SRSF12: variants seen among roughly 807,000 people sequenced by gnomAD.
SRSF12 encodes the protein serine and arginine rich splicing factor 12, also known as serine/arginine-rich splicing factor 12.
Under a neutral mutation model 34.1 loss-of-function variants are expected in SRSF12, and 21 were observed. The ratio of observed to expected loss-of-function variants is 0.62; its 90% confidence interval spans 0.44 to 0.89. SRSF12 has a LOEUF of 0.89. Ranked by LOEUF, SRSF12 falls within the 40% of genes least tolerant of loss-of-function variation. The pLI is 0.00. For synonymous variants in SRSF12, 111 were observed against 110.8 expected (o/e 1.00, Z -0.01); for missense variants, 278 against 327.8 (o/e 0.85, Z 1.17).
At chr6:89,108,492 T>C (rs888269354) in intron 1 of SRSF12, among the ~76,000 whole-genome samples, 1 of 152,240 alleles carries the variant, frequency 6.6e-6, no homozygotes, top group African/African-American at 2.4e-5. Context: ...AGTCTCATAC[T>C]GGTCCATCTT....
chr6:89,098,525 TGA>T lies in SRSF12; in HGVS notation c.*51_*52del, dbSNP rs1211743729. 3.3e-6 allele frequency: 5 copies of T among 1,520,666 alleles called. No homozygotes were observed. Among genetic ancestry groups the T allele is most frequent in the African/African-American group, 2.8e-5 (2 of 71,946 alleles). The allele number at this position is 1,520,666 out of a possible 1,614,324, so 94.2% of individuals were successfully genotyped here. On this transcript the variant is annotated 3_prime_UTR_variant, in exon 5 of 5. Transcript: ENST00000452027. ...CTTAAAGAATTTTTATTTAACATAATGAGAGTTTAATAACTTATATTAAAGAC... is the reference window on the plus strand; with the variant it reads ...CTTAAAGAATTTTTATTTAACATAATGAGTTTAATAACTTATATTAAAGAC...
chr6:89,096,756 C>T lies in SRSF12; in HGVS notation c.*1822G>A, dbSNP rs2127988432. ...CAAGCAATCCTCCTGCCTTGGCCTC[C>T]CAAAGTGCTAGGATTACTGGTGTGA... On this transcript the variant is annotated 3_prime_UTR_variant, in exon 5 of 5. Transcript: ENST00000452027. 6.6e-6 allele frequency: 1 copy of T among 152,388 alleles called. No individual in the cohort carries two copies. The highest frequency in any genetic ancestry group is 2.1e-4 in the South Asian group (1 of 4,826). 9.4% of individuals were successfully genotyped at this position (152,388 alleles called of 1,614,324 possible).
At chr6:89,113,555 T>G (rs1769154035) in intron 1 of SRSF12, among the ~76,000 whole-genome samples, 1 of 152,114 alleles carries the variant, frequency 6.6e-6, no homozygotes, top group African/African-American at 2.4e-5. Flanking sequence ...GTGATCCACG[T>G]GCCTCGGCCT....
chr6:89,108,867 T>C (rs1342417119), intron 1 of SRSF12, among the ~76,000 whole-genome samples: 9 of 152,196 alleles, frequency 5.9e-5, no homozygotes, highest in Non-Finnish European at 1.3e-4. Context: ...AAATTACATA[T>C]AAGATTCAAC....
chr6:89,116,528 G>A (rs1367874946), intron 1 of SRSF12, among the ~76,000 whole-genome samples: 1 of 151,976 alleles, frequency 6.6e-6, no homozygotes, highest in Non-Finnish European at 1.5e-5. Flanking sequence ...TAATCTCAGC[G>A]CTTTGGGAGG....
At chr6:89,103,666 C>T (rs1768642633) in intron 4 of SRSF12, among the ~76,000 whole-genome samples, 1 of 152,058 alleles carries the variant, frequency 6.6e-6, no homozygotes, top group South Asian at 2.1e-4. Context: ...CACCATATTG[C>T]TCAGGATGGT....
rs1768278955 is a variant in SRSF12, at chr6:89,096,068, A to G, written c.*2510T>C. 1 of 152,196 alleles carries G rather than the reference A, an allele frequency of 6.6e-6. No homozygotes were observed. The highest frequency in any genetic ancestry group is 1.5e-5 in the Non-Finnish European group (1 of 68,020). The allele number at this position is 152,196 out of a possible 1,614,324, so 9.4% of individuals were successfully genotyped here. A position where few individuals can be genotyped will look rare whatever the true frequency, so the allele number is the denominator to read the frequency against. On this transcript the variant is annotated 3_prime_UTR_variant, in exon 5 of 5. Transcript: ENST00000452027. Reference sequence around the variant, plus strand: ...TGGAATATAGATATTCCCAGAAGACAATTTTCCAGGATACCCAGCCAAACA... The same window carrying G: ...TGGAATATAGATATTCCCAGAAGACGATTTTCCAGGATACCCAGCCAAACA...
chr6:89,102,661 G>A (rs1768590946), intron 4 of SRSF12, among the ~76,000 whole-genome samples: 1 of 152,148 alleles, frequency 6.6e-6, no homozygotes, highest in South Asian at 2.1e-4. Context: ...TTTTAACACT[G>A]TTCAGGAACA....
At chr6:89,099,434 ATATATACACATATATATG>A (rs1562191935) in intron 4 of SRSF12, among the ~76,000 whole-genome samples, 2 of 133,872 alleles carry the variant, frequency 1.5e-5, no homozygotes, top group African/African-American at 2.7e-5. Context: ...ATGTGTGTAT[ATATATACACATATATATG>A]TGTGTATATA....
At position 89,096,402 on chromosome 6, in the gene SRSF12, T is replaced by C. The variant is rs1163702034; in HGVS notation, c.*2176A>G. 2 of 152,182 alleles carry C rather than the reference T, an allele frequency of 1.3e-5. No individual in the cohort carries two copies. The highest frequency in any genetic ancestry group is 1.3e-4 in the Admixed American group (2 of 15,270). The allele number at this position is 152,182 out of a possible 1,614,324, so 9.4% of individuals were successfully genotyped here. On this transcript the variant is annotated 3_prime_UTR_variant, in exon 5 of 5. Coordinates refer to ENST00000452027, the MANE Select transcript of SRSF12 (RefSeq NM_080743.5). ...ATTTACCTCATAAGAGTGTTGATGGTTAAATACAAGAGTGAATAACTTAAG... is the reference window on the plus strand; with the variant it reads ...ATTTACCTCATAAGAGTGTTGATGGCTAAATACAAGAGTGAATAACTTAAG...
At chr6:89,106,899 C>T in intron 2 of SRSF12, 1 of 516,400 alleles carries the variant, frequency 1.9e-6, no homozygotes, top group Non-Finnish European at 3.7e-6. Flanking sequence ...CACCCTCCCT[C>T]TTTACTCCTT....
intron 1 of SRSF12, among the ~76,000 whole-genome samples, chr6:89,114,866 G>C (rs948504880): frequency 1.3e-5 from 2 of 151,364 alleles, no homozygotes; most frequent in Admixed American, 6.6e-5. Flanking sequence ...GTACTATCTC[G>C]GCTCACTGCA....
intron 4 of SRSF12, 121 bp downstream of exon 4, chr6:89,104,998 G>T: frequency 1.0e-6 from 1 of 973,068 alleles, no homozygotes; most frequent in Non-Finnish European, 1.4e-6. Flanking sequence ...CAAGTCTACA[G>T]TGGGCCATGA....
chr6:89,113,785 G>A (rs934748842), intron 1 of SRSF12, among the ~76,000 whole-genome samples: 14 of 152,184 alleles, frequency 9.2e-5, no homozygotes, highest in African/African-American at 3.4e-4. Flanking sequence ...CTGAACTACA[G>A]GTGCGCACTA....
At chr6:89,107,038 GAAAT>G in intron 2 of SRSF12, 112 bp downstream of exon 2, 1 of 1,089,978 alleles carries the variant, frequency 9.2e-7, no homozygotes, top group Non-Finnish European at 1.4e-6. Context: ...CTGAGATAAA[GAAAT>G]AAACACATTT....
Position 89,098,649 on chromosome 6 carries a change from G to C in SRSF12, c.715C>G (p.Gln239Glu). 4 of 1,613,976 alleles carry C rather than the reference G, an allele frequency of 2.5e-6. No individual in the cohort carries two copies. The highest frequency in any genetic ancestry group is 3.4e-6 in the Non-Finnish European group (4 of 1,179,884). ...KGYTNSETKV[Q>E]TAKHSHFRSH... ...CGAAAATGAGAATGCTTTGCTGTTTGTACTTTAGTTTCAGAATTGGTATAC... is the reference window on the plus strand; with the variant it reads ...CGAAAATGAGAATGCTTTGCTGTTTCTACTTTAGTTTCAGAATTGGTATAC... Residue 239 changes from glutamine to glutamate, a missense_variant, in exon 5 of 5, where the codon CAA (glutamine) becomes GAA (glutamate). By Grantham distance (29) the Gln-to-Glu change is conservative. Coordinates refer to ENST00000452027, the MANE Select transcript of SRSF12 (RefSeq NM_080743.5).
intron 4 of SRSF12, among the ~76,000 whole-genome samples, chr6:89,099,932 A>C (rs1768462571): frequency 6.6e-6 from 1 of 152,198 alleles, no homozygotes; most frequent in Admixed American, 6.5e-5. Context: ...CTGAGGGATT[A>C]CAAGCCTTGG....
In SRSF12 at chr6:89,107,219, A is replaced by G. The variant is rs1302431876; in HGVS notation, c.105T>C (p.Pro35=). The G allele has an allele frequency of 1.9e-6, 3 of 1,614,034 alleles. No individual in the cohort carries two copies. The highest frequency in any genetic ancestry group is 2.5e-6 in the Non-Finnish European group (3 of 1,180,046). ...CAAGTGGAATGTAAACGTCTACTAT[A>G]GGGCCATATCGACCAAACTCACGGC... ...DLRREFGRYG[P]IVDVYIPLDF... The change falls in exon 2 of 5, where the codon CCT becomes CCC. Residue 35 remains proline (P), a synonymous_variant. Coordinates refer to ENST00000452027, the MANE Select transcript of SRSF12 (RefSeq NM_080743.5).
chr6:89,108,936 TATTTC>T (rs966453077), intron 1 of SRSF12, among the ~76,000 whole-genome samples: 2 of 152,266 alleles, frequency 1.3e-5, no homozygotes, highest in African/African-American at 2.4e-5. Context: ...TGACATACTT[TATTTC>T]ATTTAACACT....
Sources: gnomAD v4.1 joint callset for allele counts (sites outside exome capture counted in the v4.1 genomes callset) on GRCh38, gnomAD v4.1.1 for gene constraint, MANE v1.5 for transcripts, NCBI Gene and HGNC (gene_info 2026-07-23, HGNC 2026-07-21) for gene names.